Variants in IFITM10 observed in about 807,000 individuals in gnomAD.
The protein encoded by IFITM10 is interferon induced transmembrane protein 10, also known as interferon-induced transmembrane protein 10.
A neutral mutation model predicts 19.0 loss-of-function variants in IFITM10; 17 were observed. That is an observed-to-expected ratio of 0.90 (90% confidence interval 0.61 to 1.34). The LOEUF (loss-of-function observed/expected upper bound fraction) is 1.34. Among genes scored for constraint, IFITM10 ranks in the 40% most tolerant of loss-of-function variants. The pLI is 0.00. For missense variants in IFITM10, 306 were observed against 319.8 expected (o/e 0.96, Z 0.33); for synonymous variants, 148 against 147.2 (o/e 1.01, Z -0.04).
At chr11:1,741,127 G>T (rs1215555066) in intron 2 of IFITM10, among the ~76,000 whole-genome samples, 1 of 151,890 alleles carries the variant, frequency 6.6e-6, no homozygotes, top group Non-Finnish European at 1.5e-5. Context: ...TCTCTCTCAG[G>T]TATTTCTTTA....
At chr11:1,747,308 T>C (rs371875341) in intron 2 of IFITM10, among the ~76,000 whole-genome samples, 99 of 152,246 alleles carry the variant, frequency 6.5e-4, no homozygotes, top group African/African-American at 2.2e-3. Flanking sequence ...GAGAAGTGGC[T>C]GCTGCCCAGG....
Position 1,750,457 on chromosome 11 carries a change from C to T in IFITM10, c.-15G>A. 2 of 1,550,462 alleles carry T rather than the reference C, an allele frequency of 1.3e-6. No individual in the cohort carries two copies. The highest frequency in any genetic ancestry group is 1.7e-6 in the Non-Finnish European group (2 of 1,146,956). ...CCCTCCCTCATCTCTCTCCAAGCCCCATCCTCCCATGAAACTCCTTTCTCC... is the reference window on the plus strand; with the variant it reads ...CCCTCCCTCATCTCTCTCCAAGCCCTATCCTCCCATGAAACTCCTTTCTCC... On this transcript the variant is annotated 5_prime_UTR_variant, in exon 1 of 3. An upstream start codon of the reference 5' UTR is lost. Coordinates refer to ENST00000340134, the MANE Select transcript of IFITM10 (RefSeq NM_001170820.4).
intron 2 of IFITM10, among the ~76,000 whole-genome samples, chr11:1,742,430 G>A (rs1042370923): frequency 6.6e-6 from 1 of 152,220 alleles, no homozygotes; most frequent in Non-Finnish European, 1.5e-5. Context: ...GGATGAGGAA[G>A]GAGGGAATAG....
At position 1,747,883 on chromosome 11, in the gene IFITM10, C is replaced by G; in HGVS notation, c.321G>C (p.Glu107Asp). 6.5e-7 allele frequency: 1 copy of G among 1,529,764 alleles called. No homozygotes were observed. Among genetic ancestry groups the G allele is most frequent in the Admixed American group, 2.0e-5 (1 of 49,584 alleles). The allele number at this position is 1,529,764 out of a possible 1,614,324, so 94.8% of individuals were successfully genotyped here. ...CGCTGTCGGTCTTGCTGCTCTTGGA[C>G]TCCATGGGGAACAGTGTGGGCGCCA... ...PPMAPTLFPM[E>D]SKSSKTDSVR... Residue 107 changes from glutamate (E) to aspartate (D), a missense_variant, in exon 2 of 3, where the codon GAG becomes GAC. Transcript: ENST00000340134.
chr11:1,740,299 CAAAAAA>C (rs58480346), intron 2 of IFITM10, among the ~76,000 whole-genome samples: 3 of 41,030 alleles, frequency 7.3e-5, no homozygotes, highest in African/African-American at 2.8e-4. Context: ...GACTCCATCT[CAAAAAA>C]AAAAAAAAAA....
At chr11:1,749,543 C>T (rs1003388941) in intron 1 of IFITM10, among the ~76,000 whole-genome samples, 8 of 151,670 alleles carry the variant, frequency 5.3e-5, no homozygotes, top group African/African-American at 1.7e-4. Flanking sequence ...CTCCCCATGG[C>T]GCTCCACCCC....
intron 2 of IFITM10, among the ~76,000 whole-genome samples, chr11:1,737,166 T>A (rs1387278647): frequency 6.6e-6 from 1 of 152,200 alleles, no homozygotes; most frequent in Non-Finnish European, 1.5e-5. Context: ...TAAAGTTGTA[T>A]AACTTTCTCC....
chr11:1,736,695 C>CAGTGGGTGGAATGGATGGAGTGG (rs1851090686), intron 2 of IFITM10, among the ~76,000 whole-genome samples: 1 of 118,276 alleles, frequency 8.5e-6, no homozygotes, highest in Non-Finnish European at 1.8e-5. Flanking sequence ...GGATGGAGTG[C>CAGTGGGTGGAATGGATGGAGTGG]AGTGGGTGGA....
At position 1,734,955 on chromosome 11, in the gene IFITM10, G is replaced by A; in HGVS notation, c.*325C>T. 2.7e-6 allele frequency: 1 copy of A among 368,308 alleles called. No homozygotes were observed. The highest frequency in any genetic ancestry group is 4.9e-6 in the Non-Finnish European group (1 of 202,826). 22.8% of individuals were successfully genotyped at this position (368,308 alleles called of 1,614,324 possible). Reference sequence around the variant, plus strand: ...TTCCTGCTAGGTGTCAGGTCCAAGGGGCCCCAGGAGCCTGGGAAGGGGCAC... The same window carrying A: ...TTCCTGCTAGGTGTCAGGTCCAAGGAGCCCCAGGAGCCTGGGAAGGGGCAC... On this transcript the variant is annotated 3_prime_UTR_variant, in exon 3 of 3. Transcript: ENST00000340134.
chr11:1,736,494 T>G, intron 2 of IFITM10, among the ~76,000 whole-genome samples: 4 of 146,360 alleles, frequency 2.7e-5, no homozygotes, highest in East Asian at 4.0e-4. Context: ...ATAGAGGGAG[T>G]GGGGAAGGGA....
rs1017836028 is a variant in IFITM10, at chr11:1,732,478, A to T, written c.*2802T>A. 2 of 152,404 alleles carry T rather than the reference A, an allele frequency of 1.3e-5. No homozygotes were observed. Among genetic ancestry groups the T allele is most frequent in the African/African-American group, 4.8e-5 (2 of 41,460 alleles). The allele number at this position is 152,404 out of a possible 1,614,324, so 9.4% of individuals were successfully genotyped here. On this transcript the variant is annotated 3_prime_UTR_variant, in exon 3 of 3. Coordinates refer to ENST00000340134, the MANE Select transcript of IFITM10 (RefSeq NM_001170820.4). The stretch of plus-strand genomic sequence containing the variant: ...AGGCACTGTGCAAAATCACATAAAA[A>T]TGAGGTGGGAGGAGTGCAGTGGACA...
intron 1 of IFITM10, among the ~76,000 whole-genome samples, chr11:1,749,687 C>A (rs1481569574): frequency 6.6e-6 from 1 of 151,762 alleles, no homozygotes; most frequent in African/African-American, 2.4e-5. Flanking sequence ...AGGCCCCCTA[C>A]CTGACTGCCC....
At chr11:1,742,986 GACAT>G (rs1457750595) in intron 2 of IFITM10, among the ~76,000 whole-genome samples, 1 of 134,248 alleles carries the variant, frequency 7.4e-6, no homozygotes, top group Non-Finnish European at 1.6e-5. Flanking sequence ...TGGATGGATG[GACAT>G]ATGGATGGAT....
intron 1 of IFITM10, among the ~76,000 whole-genome samples, chr11:1,749,562 G>T (rs896419861): frequency 9.2e-5 from 14 of 151,666 alleles, no homozygotes; most frequent in African/African-American, 3.2e-4. Context: ...CCAGCGCCTG[G>T]GCCCTGCTGC....
At chr11:1,742,151 G>C (rs889996162) in intron 2 of IFITM10, among the ~76,000 whole-genome samples, 1 of 152,204 alleles carries the variant, frequency 6.6e-6, no homozygotes, top group South Asian at 2.1e-4. Context: ...AGGAAAGATG[G>C]GATGGATGTG....
rs1482480753 is a variant in IFITM10, at chr11:1,747,911, G to T, written c.293C>A (p.Pro98Gln). ...APAPEPSASP[P>Q]MAPTLFPMES... ...CATGGGGAACAGTGTGGGCGCCATCGGGGGAGAGGCCGAGGGCTCAGGGGC... is the reference window on the plus strand; with the variant it reads ...CATGGGGAACAGTGTGGGCGCCATCTGGGGAGAGGCCGAGGGCTCAGGGGC... Residue 98 changes from proline to glutamine, a missense_variant, in exon 2 of 3, where the codon CCG becomes CAG. Coordinates refer to ENST00000340134, the MANE Select transcript of IFITM10 (RefSeq NM_001170820.4). 1 of 1,498,556 alleles carries T rather than the reference G, an allele frequency of 6.7e-7. No individual in the cohort carries two copies. Among genetic ancestry groups the T allele is most frequent in the Non-Finnish European group, 8.9e-7 (1 of 1,119,220 alleles). The allele number at this position is 1,498,556 out of a possible 1,614,324, so 92.8% of individuals were successfully genotyped here. A position where few individuals can be genotyped will look rare whatever the true frequency, so the allele number is the denominator to read the frequency against.
intron 1 of IFITM10, chr11:1,749,162 G>T: frequency 1.1e-6 from 1 of 925,934 alleles, no homozygotes; most frequent in Non-Finnish European, 1.3e-6. Flanking sequence ...GCTCGGCGGC[G>T]GCGCCGCTGC....
rs1419843857 is a variant in IFITM10 at position 1,735,251 on chromosome 11, T to C, written c.*29A>G. 1.3e-6 allele frequency: 2 copies of C among 1,549,940 alleles called. No homozygotes were observed. The highest frequency in any genetic ancestry group is 1.7e-6 in the Non-Finnish European group (2 of 1,145,674). On this transcript the variant is annotated 3_prime_UTR_variant, in exon 3 of 3. Coordinates refer to ENST00000340134, the MANE Select transcript of IFITM10 (RefSeq NM_001170820.4). ...GAGAATAAACATGTCTCAGTGCTTG[T>C]CTCCGCCAGCAGCCGTGCCTGGCGG... is the stretch of plus-strand genomic sequence containing the variant.
rs1851071561 is a variant in IFITM10, at chr11:1,735,122, C to T, written c.*158G>A. 26 of 703,662 alleles carry T rather than the reference C, an allele frequency of 3.7e-5. No individual in the cohort carries two copies. In the South Asian group the frequency reaches 4.8e-4, roughly 13 times the overall value. The allele number at this position is 703,662 out of a possible 1,614,324, so 43.6% of individuals were successfully genotyped here. A position where few individuals can be genotyped will look rare whatever the true frequency, so the allele number is the denominator to read the frequency against. On this transcript the variant is annotated 3_prime_UTR_variant, in exon 3 of 3. Coordinates refer to ENST00000340134, the MANE Select transcript of IFITM10 (RefSeq NM_001170820.4). ...AAGCTCACTGCCCCCTTGCTGTACT[C>T]AGCTTCTGATGGCCTTGCTGCCCAG...
Sources: gnomAD v4.1 joint callset for allele counts (sites outside exome capture counted in the v4.1 genomes callset) on GRCh38, gnomAD v4.1.1 for gene constraint, MANE v1.5 for transcripts, NCBI Gene and HGNC (gene_info 2026-07-23, HGNC 2026-07-21) for gene names.